Variants in MDGA2 observed in about 807,000 individuals in gnomAD.
The protein encoded by MDGA2 is MAM domain containing glycosylphosphatidylinositol anchor 2.
In MDGA2, 40 loss-of-function variants were observed where a neutral mutation model predicts 117.8. The ratio of observed to expected loss-of-function variants is 0.34; its 90% confidence interval spans 0.26 to 0.44. The LOEUF (loss-of-function observed/expected upper bound fraction) is 0.44, where lower values mean the gene tolerates loss of function less well. Ranked by LOEUF, MDGA2 falls within the 20% of genes least tolerant of loss-of-function variation. The probability of loss-of-function intolerance (pLI) is 1.00; values close to 1 mark genes in which losing one functional copy is unlikely to be tolerated. For synonymous variants in MDGA2, 452 were observed against 439.0 expected, an observed-to-expected ratio of 1.03 and a Z score of -0.37; for missense variants, 1,123 against 1,250.6, an observed-to-expected ratio of 0.90 and a Z score of 1.54.
chr14:47,506,569 C>T (rs1303928638), intron 1 of MDGA2, among the ~76,000 whole-genome samples: 2 of 152,232 alleles, frequency 1.3e-5, no homozygotes, highest in African/African-American at 2.4e-5. Context: ...GTTAAGGTCA[C>T]TGCCTCTGCA....
intron 10 of MDGA2, among the ~76,000 whole-genome samples, chr14:46,908,844 C>T (rs116976806): frequency 0.013 from 2,038 of 152,140 alleles, 13 homozygotes; most frequent in Non-Finnish European, 0.022. Flanking sequence ...AAATTAGATT[C>T]CTTCTTTCCC....
At chr14:47,130,017 G>A (rs1201863014) in intron 5 of MDGA2, among the ~76,000 whole-genome samples, 23 of 150,132 alleles carry the variant, frequency 1.5e-4, no homozygotes, top group Admixed American at 1.2e-3. Context: ...AGTAGGTTGC[G>A]AAAATTTTCT....
At chr14:47,158,827 G>A (rs535811088) in intron 3 of MDGA2, among the ~76,000 whole-genome samples, 2 of 152,298 alleles carry the variant, frequency 1.3e-5, no homozygotes, top group Admixed American at 6.5e-5. Flanking sequence ...TAAATAAAAG[G>A]TAGCACATAC....
chr14:47,203,352 A>G (rs1885577056), intron 3 of MDGA2, among the ~76,000 whole-genome samples: 1 of 151,724 alleles, frequency 6.6e-6, no homozygotes, highest in African/African-American at 2.4e-5. Context: ...GGGGAAAGAG[A>G]TTTGTTTTGT....
intron 1 of MDGA2, among the ~76,000 whole-genome samples, chr14:47,561,808 T>G (rs1370424496): frequency 6.6e-6 from 1 of 152,214 alleles, no homozygotes; most frequent in Non-Finnish European, 1.5e-5. Context: ...TTGTTCCAGT[T>G]TTGAAGGGGA....
At chr14:47,483,282 C>T (rs1230006259) in intron 1 of MDGA2, among the ~76,000 whole-genome samples, 2 of 151,944 alleles carry the variant, frequency 1.3e-5, no homozygotes, top group East Asian at 3.9e-4. Flanking sequence ...TCAGATATTC[C>T]ATATTGTTCT....
intron 1 of MDGA2, among the ~76,000 whole-genome samples, chr14:47,517,781 G>C (rs1009418778): frequency 1.3e-5 from 2 of 152,180 alleles, no homozygotes; most frequent in South Asian, 4.1e-4. Context: ...GACAAAAAAT[G>C]TTTAATAACC....
At chr14:47,593,075 T>C (rs1211792966) in intron 1 of MDGA2, among the ~76,000 whole-genome samples, 1 of 152,136 alleles carries the variant, frequency 6.6e-6, no homozygotes, top group South Asian at 2.1e-4. Flanking sequence ...GCAAAGGATA[T>C]GAACAGACAC....
intron 1 of MDGA2, among the ~76,000 whole-genome samples, chr14:47,344,378 A>G (rs992519387): frequency 2.0e-5 from 3 of 152,150 alleles, no homozygotes; most frequent in Non-Finnish European, 2.9e-5. Flanking sequence ...ATATTTTGCC[A>G]GGCAAACCAG....
intron 8 of MDGA2, among the ~76,000 whole-genome samples, chr14:46,977,312 G>A (rs371297935): frequency 8.6e-5 from 13 of 151,700 alleles, no homozygotes; most frequent in Middle Eastern, 6.8e-3. Flanking sequence ...ATATGAATGG[G>A]AGGGGTTGAA....
intron 7 of MDGA2, among the ~76,000 whole-genome samples, chr14:47,054,075 C>G (rs944823173): frequency 2.6e-5 from 4 of 151,882 alleles, no homozygotes; most frequent in African/African-American, 9.7e-5. Context: ...CTTAACTGCC[C>G]TTTTATGAGA....
intron 12 of MDGA2, among the ~76,000 whole-genome samples, chr14:46,875,923 T>A (rs1441746084): frequency 6.6e-6 from 1 of 151,626 alleles, no homozygotes; most frequent in African/African-American, 2.4e-5. Flanking sequence ...TGAACCTTTT[T>A]TTCGTAATTT....
intron 8 of MDGA2, among the ~76,000 whole-genome samples, chr14:47,013,173 C>T (rs1049028543): frequency 1.3e-5 from 2 of 152,166 alleles, no homozygotes; most frequent in Non-Finnish European, 2.9e-5. Flanking sequence ...TAGCATTTTA[C>T]CCATGGTAGA....
At chr14:47,023,012 A>G (rs1223622362) in intron 8 of MDGA2, among the ~76,000 whole-genome samples, 1 of 152,092 alleles carries the variant, frequency 6.6e-6, no homozygotes, top group Non-Finnish European at 1.5e-5. Context: ...TGGGTGAGAG[A>G]CAAAGGGGCA....
At chr14:47,595,551 A>C (rs1178602329) in intron 1 of MDGA2, among the ~76,000 whole-genome samples, 3 of 144,150 alleles carry the variant, frequency 2.1e-5, no homozygotes, top group Non-Finnish European at 4.5e-5. Context: ...AAAAAACAAA[A>C]AAAAACAAAA....
At chr14:47,574,966 G>C (rs1374758998) in intron 1 of MDGA2, among the ~76,000 whole-genome samples, 2 of 152,170 alleles carry the variant, frequency 1.3e-5, no homozygotes, top group Non-Finnish European at 2.9e-5. Context: ...GGGCATAAGT[G>C]CATGAGTATA....
At chr14:46,877,789 A>T (rs1205375792) in intron 11 of MDGA2, among the ~76,000 whole-genome samples, 1 of 151,880 alleles carries the variant, frequency 6.6e-6, no homozygotes, top group Non-Finnish European at 1.5e-5. Context: ...AGAGTTTCTG[A>T]CCTCTTAAAT....
chr14:47,268,638 A>G (rs1407957762), intron 2 of MDGA2, among the ~76,000 whole-genome samples: 1 of 152,140 alleles, frequency 6.6e-6, no homozygotes, highest in African/African-American at 2.4e-5. Context: ...TCATATGTCT[A>G]GATGCAATTC....
intron 8 of MDGA2, among the ~76,000 whole-genome samples, chr14:46,985,612 C>T (rs1213328776): frequency 6.6e-6 from 1 of 152,036 alleles, no homozygotes; most frequent in African/African-American, 2.4e-5. Flanking sequence ...AAAATCTGCT[C>T]TCAAAATTAA....
Sources: gnomAD v4.1 joint callset for allele counts (sites outside exome capture counted in the v4.1 genomes callset) on GRCh38, gnomAD v4.1.1 for gene constraint, MANE v1.5 for transcripts, NCBI Gene and HGNC (gene_info 2026-07-23, HGNC 2026-07-21) for gene names.